ERN1: variants seen among roughly 807,000 people sequenced by gnomAD.
The protein encoded by ERN1 is endoplasmic reticulum to nucleus signaling 1, also known as serine/threonine-protein kinase/endoribonuclease IRE1.
ERN1 carries 39 observed loss-of-function variants against 113.1 expected under a neutral mutation model. That is an observed-to-expected ratio of 0.34 (90% CI 0.27 to 0.45). ERN1 has a LOEUF of 0.45. Ranked by LOEUF, ERN1 falls within the 20% of genes least tolerant of loss-of-function variation. The pLI is 1.00. For missense variants in ERN1, 976 were observed against 1,274.8 expected (o/e 0.77, Z 3.57); for synonymous variants, 507 against 515.9 (o/e 0.98, Z 0.23).
intron 1 of ERN1, among the ~76,000 whole-genome samples, chr17:64,101,560 G>A (rs764741740): frequency 2.0e-5 from 3 of 152,168 alleles, no homozygotes; most frequent in Non-Finnish European, 4.4e-5. Flanking sequence ...GAAAGGAGAT[G>A]GACAAGCTAG....
chr17:64,095,962 C>T (rs542647713), intron 2 of ERN1, among the ~76,000 whole-genome samples: 1 of 152,324 alleles, frequency 6.6e-6, no homozygotes, highest in South Asian at 2.1e-4. Flanking sequence ...CATTACTAGT[C>T]CCTCTCATGA....
At chr17:64,106,715 TACACACACACACACACACACACACACAC>T in intron 1 of ERN1, among the ~76,000 whole-genome samples, 1 of 103,388 alleles carries the variant, frequency 9.7e-6, no homozygotes, top group South Asian at 4.0e-4. Context: ...CAGGGTTTCT[TACACACACACACACACACACACACACAC>T]ACACACACAC....
chr17:64,039,813 A>C lies in ERN1; in HGVS notation c.*4175T>G, dbSNP rs1567856655. 6.6e-6 allele frequency: 1 copy of C among 152,080 alleles called. No individual in the cohort carries two copies. Among genetic ancestry groups the C allele is most frequent in the African/African-American group, 2.4e-5 (1 of 41,410 alleles). The allele number at this position is 152,080 out of a possible 1,614,324, so 9.4% of individuals were successfully genotyped here. Reference sequence around the variant, plus strand: ...TCCACCAAACACACACACAGTACACAGGGGAGGTGGGGGGGCTTTGGCCAA... The same window carrying C: ...TCCACCAAACACACACACAGTACACCGGGGAGGTGGGGGGGCTTTGGCCAA... On this transcript the variant is annotated 3_prime_UTR_variant, in exon 22 of 22. Coordinates refer to ENST00000433197, the MANE Select transcript of ERN1 (RefSeq NM_001433.5).
rs748505295 is a variant in ERN1 at position 64,047,842 on chromosome 17, G to C, written c.2529+16C>G. On this transcript the variant is annotated intron_variant, in intron 19 of 21. Coordinates refer to ENST00000433197, the MANE Select transcript of ERN1 (RefSeq NM_001433.5). ...ATTAAATGAAGACTCTGGATAAAGA[G>C]AACAGACGTCTCTACCTGGAAGAAC... 1 of 1,592,100 alleles carries C rather than the reference G, an allele frequency of 6.3e-7. No individual in the cohort carries two copies. Among genetic ancestry groups the C allele is most frequent in the African/African-American group, 1.3e-5 (1 of 74,180 alleles).
In ERN1 at chr17:64,049,470, C is replaced by T. The variant is rs907642212; in HGVS notation, c.2254-268G>A. 6.6e-6 allele frequency among the ~76,000 whole-genome samples: 1 copy of T among 152,290 alleles called. No homozygotes were observed. On this transcript the variant is annotated intron_variant, in intron 17 of 21. Coordinates refer to ENST00000433197, the MANE Select transcript of ERN1 (RefSeq NM_001433.5). The surrounding 1 kb of genome is among the most constrained non-coding windows in gnomAD (Gnocchi z 4.7). ...AGATGAGGACACTGACAGCATGGGG[C>T]TGTTGTCAAAAGAGATGCATTAATA...
intron 1 of ERN1, chr17:64,102,640 G>T: frequency 1.0e-6 from 1 of 982,720 alleles, no homozygotes; most frequent in Non-Finnish European, 1.2e-6. Flanking sequence ...GATGCCTTGT[G>T]TGATACTGAG....
chr17:64,109,648 T>C (rs988610470), intron 1 of ERN1, among the ~76,000 whole-genome samples: 1 of 152,194 alleles, frequency 6.6e-6, no homozygotes, highest in African/African-American at 2.4e-5. Flanking sequence ...TGTGTAATTT[T>C]TGAGATGAAA....
Position 64,044,007 on chromosome 17 carries a change from AC to A in ERN1, c.2914del (p.Val972Ter). On this transcript the variant is annotated frameshift_variant, in exon 22 of 22. Transcript: ENST00000433197. LOFTEE classifies it high-confidence loss of function. This position sits in a 1 kb window ranked among gnomAD's most constrained non-coding sequence, Gnocchi z 4.1. ...CCTCGCTCAGAGGGCGTCTGGAGTC[AC>A]TGGGGGCTGGGGCTCTGGGGGCTCG... ...FHEPPEPQPP[V>X]TPDAL 5.0e-6 allele frequency: 8 copies of A among 1,611,880 alleles called. No homozygotes were observed. Among genetic ancestry groups the A allele is most frequent in the Non-Finnish European group, 6.8e-6 (8 of 1,178,888 alleles).
At chr17:64,114,966 C>G (rs1254054551) in intron 1 of ERN1, among the ~76,000 whole-genome samples, 2 of 152,076 alleles carry the variant, frequency 1.3e-5, no homozygotes, top group Admixed American at 6.5e-5. Flanking sequence ...TCCTAAGACT[C>G]CTCATTTGAG....
chr17:64,073,003 A>AT (rs1567870326), intron 5 of ERN1, among the ~76,000 whole-genome samples: 5 of 119,714 alleles, frequency 4.2e-5, no homozygotes, highest in African/African-American at 1.4e-4. Context: ...GAGCCTTTGA[A>AT]ATTTTTTTTT....
intron 1 of ERN1, among the ~76,000 whole-genome samples, chr17:64,112,721 G>C (rs961554426): frequency 2.0e-5 from 3 of 152,168 alleles, no homozygotes; most frequent in Non-Finnish European, 2.9e-5. Context: ...CTGATGGGTG[G>C]GGCATACCCC....
chr17:64,085,135 C>T lies in ERN1; in HGVS notation c.176-4327G>A, dbSNP rs148075269. Among the ~76,000 whole-genome samples, 702 of 152,278 alleles carry T rather than the reference C, an allele frequency of 4.6e-3. 4 individuals are homozygous for T. Among genetic ancestry groups the T allele is most frequent in the African/African-American group, 0.016 (651 of 41,536 alleles). ...TACCTGACACACAGGTGGTAACCAA[C>T]GTATTTGCTGAATGGAGTAATTAAG... On this transcript the variant is annotated intron_variant, in intron 2 of 21. Transcript: ENST00000433197.
chr17:64,119,577 A>G (rs1567888575), intron 1 of ERN1, among the ~76,000 whole-genome samples: 1 of 151,236 alleles, frequency 6.6e-6, no homozygotes, highest in African/African-American at 2.4e-5. Context: ...TTTTTAGTAG[A>G]GACGGGGTTT....
intron 11 of ERN1, among the ~76,000 whole-genome samples, chr17:64,058,270 T>G (rs966559552): frequency 5.3e-5 from 8 of 152,156 alleles, no homozygotes; most frequent in Non-Finnish European, 1.2e-4. Flanking sequence ...ACCCTACATA[T>G]TTTTTTCAAA....
chr17:64,053,110 G>T, intron 16 of ERN1, 131 bp from the exon 17 acceptor site: 3 of 923,912 alleles, frequency 3.2e-6, no homozygotes, highest in Non-Finnish European at 4.8e-6. Flanking sequence ...TTTCAACTAT[G>T]TCGGATTCCT....
rs756538439 is a variant in ERN1, at chr17:64,055,682, G to A, written c.1665C>T (p.Asp555=). 2.0e-5 allele frequency: 31 copies of A among 1,589,212 alleles called. No individual in the cohort carries two copies. Among genetic ancestry groups the A allele is most frequent in the Non-Finnish European group, 2.3e-5 (27 of 1,167,688 alleles). ...GATGGCAACTGGCTTTACCTCCATCGTCTTGTTCCAGGGAGGGGCTGCTGC... is the reference window on the plus strand; with the variant it reads ...GATGGCAACTGGCTTTACCTCCATCATCTTGTTCCAGGGAGGGGCTGCTGC... ...KAGSSPSLEQ[D]DGDEETSVVI... The change falls in exon 13 of 22, where the codon GAC becomes GAT. Residue 555 remains aspartate, a synonymous_variant. Coordinates refer to ENST00000433197, the MANE Select transcript of ERN1 (RefSeq NM_001433.5).
intron 6 of ERN1, among the ~76,000 whole-genome samples, chr17:64,069,814 C>G (rs750415350): frequency 3.3e-5 from 5 of 152,104 alleles, no homozygotes; most frequent in Non-Finnish European, 7.4e-5. Context: ...ACCTCCAGAC[C>G]TCATGCAGAT....
At chr17:64,092,267 C>T (rs1598074106) in intron 2 of ERN1, among the ~76,000 whole-genome samples, 1 of 152,084 alleles carries the variant, frequency 6.6e-6, no homozygotes, top group Non-Finnish European at 1.5e-5. Context: ...GGAAGTAGCA[C>T]AGCATCATTC....
intron 2 of ERN1, among the ~76,000 whole-genome samples, chr17:64,091,723 G>C (rs533101282): frequency 6.6e-6 from 1 of 152,310 alleles, no homozygotes; most frequent in South Asian, 2.1e-4. Flanking sequence ...ATGGCTGCAA[G>C]TAGGGCACCT....
Sources: gnomAD v4.1 joint callset for allele counts (sites outside exome capture counted in the v4.1 genomes callset) on GRCh38, gnomAD v4.1.1 for gene constraint, Gnocchi (gnomAD v3.1) non-coding constraint, MANE v1.5 for transcripts, NCBI Gene and HGNC (gene_info 2026-07-23, HGNC 2026-07-21) for gene names.